The following HFM1 variants were observed in gnomAD, a reference collection of about 807,000 sequenced individuals.
HFM1 encodes probable ATP-dependent DNA helicase HFM1.
Under a neutral mutation model 192.1 loss-of-function variants are expected in HFM1, and 169 were observed. That is an observed-to-expected ratio of 0.88 (90% CI 0.78 to 1.00). HFM1 has a LOEUF of 1.00. Ranked by LOEUF, HFM1 falls within the 50% of genes least tolerant of loss-of-function variation. HFM1 has a pLI of 0.00. For synonymous variants in HFM1, 525 were observed against 537.8 expected (o/e 0.98, Z 0.33); for missense variants, 1,661 against 1,668.0 (o/e 1.00, Z 0.07).
intron 33 of HFM1, among the ~76,000 whole-genome samples, 159 bp from the exon 34 acceptor site, chr1:91,273,974 T>C (rs1557759787): frequency 6.6e-6 from 1 of 152,154 alleles, no homozygotes; most frequent in Admixed American, 6.6e-5. Context: ...AGGTGTTTCA[T>C]GGAAGTGACC....
intron 11 of HFM1, among the ~76,000 whole-genome samples, chr1:91,376,376 G>A (rs1213322997): frequency 6.6e-6 from 1 of 151,882 alleles, no homozygotes; most frequent in Non-Finnish European, 1.5e-5. Flanking sequence ...ATCATGAGTA[G>A]GGATAAGATC....
At chr1:91,389,071 A>G (rs1314629790) in intron 4 of HFM1, among the ~76,000 whole-genome samples, 2 of 151,772 alleles carry the variant, frequency 1.3e-5, no homozygotes, top group African/African-American at 4.8e-5. Flanking sequence ...ACTGGATATT[A>G]ATGTCCCTCC....
At chr1:91,321,016 G>A (rs1392147748) in intron 23 of HFM1, among the ~76,000 whole-genome samples, 1 of 152,174 alleles carries the variant, frequency 6.6e-6, no homozygotes, top group Non-Finnish European at 1.5e-5. Flanking sequence ...GGGAAGTCCA[G>A]GGCTTCGTAT....
At chr1:91,403,807 C>T (rs1178720925) in intron 1 of HFM1, among the ~76,000 whole-genome samples, 1 of 152,128 alleles carries the variant, frequency 6.6e-6, no homozygotes, top group Non-Finnish European at 1.5e-5. Context: ...ATTAATACAA[C>T]TAGATACAAT....
chr1:91,374,529 A>T (rs1381559307), intron 13 of HFM1, among the ~76,000 whole-genome samples: 1 of 152,162 alleles, frequency 6.6e-6, no homozygotes, highest in African/African-American at 2.4e-5. Flanking sequence ...ATATATTTAG[A>T]AGTAAGAATA....
chr1:91,303,744 C>T (rs1027150500), intron 30 of HFM1, among the ~76,000 whole-genome samples: 1 of 152,234 alleles, frequency 6.6e-6, no homozygotes, highest in East Asian at 1.9e-4. Context: ...TTTTGGTTTG[C>T]ATTTCTGCAT....
chr1:91,316,252 GAATA>G, intron 26 of HFM1, 68 bp from the exon 27 acceptor site: 4 of 1,089,400 alleles, frequency 3.7e-6, no homozygotes, highest in African/African-American at 3.2e-5. Flanking sequence ...ATATTTTTTA[GAATA>G]AATAGCTTTA....
intron 7 of HFM1, among the ~76,000 whole-genome samples, chr1:91,380,608 G>A (rs1175709813): frequency 1.3e-5 from 2 of 152,110 alleles, no homozygotes; most frequent in Non-Finnish European, 2.9e-5. Context: ...AGAAAACTTA[G>A]CCAGGAGTGG....
At chr1:91,266,794 GT>G (rs1278701967) in intron 35 of HFM1, among the ~76,000 whole-genome samples, 1 of 152,176 alleles carries the variant, frequency 6.6e-6, no homozygotes, top group Admixed American at 6.5e-5. Flanking sequence ...GTAGGGAACA[GT>G]AGTTGTCTGG....
chr1:91,292,576 T>C (rs2100947452), intron 30 of HFM1, among the ~76,000 whole-genome samples: 1 of 151,974 alleles, frequency 6.6e-6, no homozygotes, highest in South Asian at 2.1e-4. Flanking sequence ...TGGAAGAACA[T>C]TCCATGCTCA....
chr1:91,372,749 T>G (rs1660398114), intron 13 of HFM1, among the ~76,000 whole-genome samples: 1 of 151,950 alleles, frequency 6.6e-6, no homozygotes, highest in Non-Finnish European at 1.5e-5. Flanking sequence ...AAAAGAAAAT[T>G]CATAAGAATG....
intron 30 of HFM1, among the ~76,000 whole-genome samples, chr1:91,281,658 T>G (rs1667471913): frequency 1.3e-5 from 2 of 152,244 alleles, no homozygotes. Flanking sequence ...TATATTACTT[T>G]CATACTTAGT....
At chr1:91,324,653 T>C (rs1394189828) in intron 21 of HFM1, 22 bp downstream of exon 21, 7 of 1,077,000 alleles carry the variant, frequency 6.5e-6, no homozygotes, top group Non-Finnish European at 1.0e-5. Flanking sequence ...ATGTATTTTT[T>C]TTCTAGTGAA....
At chr1:91,328,838 C>T in intron 20 of HFM1, 3 of 1,611,124 alleles carry the variant, frequency 1.9e-6, no homozygotes, top group Non-Finnish European at 2.5e-6. Flanking sequence ...CATCCCTTAC[C>T]TTGATGCACC....
At chr1:91,322,595 AG>A (rs1307514260) in intron 23 of HFM1, among the ~76,000 whole-genome samples, 1 of 152,152 alleles carries the variant, frequency 6.6e-6, no homozygotes, top group African/African-American at 2.4e-5. Flanking sequence ...TGTCTCTCCC[AG>A]AATGCCACTA....
chr1:91,297,513 C>A (rs540297432), intron 30 of HFM1, among the ~76,000 whole-genome samples: 1 of 152,340 alleles, frequency 6.6e-6, no homozygotes, highest in South Asian at 2.1e-4. Context: ...TCCCTTACCC[C>A]CAAGTAGGCT....
chr1:91,376,190 A>G (rs1409539440), intron 11 of HFM1, among the ~76,000 whole-genome samples: 1 of 152,040 alleles, frequency 6.6e-6, no homozygotes, highest in Non-Finnish European at 1.5e-5. Context: ...TAAGCAAACA[A>G]CAAACACTTG....
At chr1:91,377,920 T>C (rs1661090289) in intron 11 of HFM1, 105 bp downstream of exon 11, 2 of 966,676 alleles carry the variant, frequency 2.1e-6, no homozygotes, top group African/African-American at 1.7e-5. Context: ...CATACTTTCC[T>C]ATTAAAGGAA....
At chr1:91,353,720 A>T (rs1396883387) in intron 13 of HFM1, among the ~76,000 whole-genome samples, 3 of 150,948 alleles carry the variant, frequency 2.0e-5, no homozygotes, top group African/African-American at 7.3e-5. Flanking sequence ...CATGGCATTT[A>T]AAAAAACTAG....
Sources: allele counts gnomAD v4.1 joint callset (sites outside exome capture counted in the v4.1 genomes callset), GRCh38; gene constraint gnomAD v4.1.1; transcripts MANE v1.5; gene names NCBI Gene and HGNC (gene_info 2026-07-23, HGNC 2026-07-21).